Variants in PTPRR observed in about 807,000 individuals in gnomAD.
PTPRR encodes the protein protein tyrosine phosphatase receptor type R, also known as receptor-type tyrosine-protein phosphatase R.
A neutral mutation model predicts 77.2 loss-of-function variants in PTPRR; 38 were observed. The ratio of observed to expected loss-of-function variants is 0.49; its 90% confidence interval spans 0.38 to 0.65. PTPRR has a LOEUF of 0.65. Among genes scored for constraint, PTPRR ranks in the 30% least tolerant of loss-of-function variants. The pLI is 0.00. For synonymous variants in PTPRR, 299 were observed against 283.1 expected, an observed-to-expected ratio of 1.06 and a Z score of -0.57; for missense variants, 744 against 799.2, an observed-to-expected ratio of 0.93 and a Z score of 0.83.
At position 70,644,063 on chromosome 12, in the gene PTPRR, G is replaced by GA. The variant is rs565360504; in HGVS notation, c.1881-4787dup. Among the ~76,000 whole-genome samples the GA allele has an allele frequency of 8.5e-3, 1,230 of 144,714 alleles. 5 individuals carry two copies. Among genetic ancestry groups the GA allele is most frequent in the Non-Finnish European group, 0.014 (917 of 65,044 alleles). 94.9% of individuals were successfully genotyped at this position (144,714 alleles called of 152,430 possible). On this transcript the variant is annotated intron_variant, in intron 13 of 13. Coordinates refer to ENST00000283228, the MANE Select transcript of PTPRR (RefSeq NM_002849.4). The stretch of plus-strand genomic sequence containing the variant: ...GTAAGGACTTTCCAATACAGTACCT[G>GA]AAAAAAGGCAATTATGTAATTGCAA...
At chr12:70,911,153 T>C (rs185232524) in intron 1 of PTPRR, among the ~76,000 whole-genome samples, 1 of 152,302 alleles carries the variant, frequency 6.6e-6, no homozygotes, top group Admixed American at 6.5e-5. Flanking sequence ...CCTCCTTCTA[T>C]CCCTTTACAT....
At chr12:70,727,724 C>A (rs775718070) in intron 6 of PTPRR, among the ~76,000 whole-genome samples, 4 of 152,156 alleles carry the variant, frequency 2.6e-5, no homozygotes, top group Non-Finnish European at 5.9e-5. Flanking sequence ...GACCCAGAGT[C>A]TCATAGAAAA....
In PTPRR at chr12:70,698,522, C is replaced by T. The variant is rs114341371; in HGVS notation, c.1195-173G>A. ...CTTTCCTAAACATATCAGCTGCATC[C>T]GGACAAGCTGACTTCTAAGAAACAG... On this transcript the variant is annotated intron_variant, in intron 7 of 13. Coordinates refer to ENST00000283228, the MANE Select transcript of PTPRR (RefSeq NM_002849.4). 3.3e-3 allele frequency among the ~76,000 whole-genome samples: 502 copies of T among 152,150 alleles called. 3 individuals carry two copies. Among genetic ancestry groups the T allele is most frequent in the African/African-American group, 0.011 (449 of 41,504 alleles).
intron 6 of PTPRR, among the ~76,000 whole-genome samples, chr12:70,738,315 C>T (rs886488731): frequency 1.9e-4 from 29 of 152,158 alleles, no homozygotes; most frequent in Non-Finnish European, 3.1e-4. Flanking sequence ...TATCAGCAAC[C>T]CTTGGGGGCC....
intron 13 of PTPRR, among the ~76,000 whole-genome samples, chr12:70,646,255 C>A (rs989365317): frequency 6.6e-6 from 1 of 152,076 alleles, no homozygotes; most frequent in African/African-American, 2.4e-5. Context: ...GTGTGTCTGG[C>A]CCCTTGGACA....
chr12:70,721,798 C>T (rs776484950), intron 6 of PTPRR, among the ~76,000 whole-genome samples: 17 of 152,080 alleles, frequency 1.1e-4, no homozygotes, highest in Non-Finnish European at 1.9e-4. Context: ...GATTGAAATT[C>T]GCCCTGCTAA....
chr12:70,881,454 A>G (rs1328772770), intron 2 of PTPRR, among the ~76,000 whole-genome samples: 1 of 152,124 alleles, frequency 6.6e-6, no homozygotes, highest in Non-Finnish European at 1.5e-5. Flanking sequence ...TCTTCCCACA[A>G]TTGTAGAAAT....
intron 4 of PTPRR, 127 bp downstream of exon 4, chr12:70,761,344 C>G: frequency 1.1e-6 from 1 of 878,620 alleles, no homozygotes; most frequent in South Asian, 2.7e-5. Flanking sequence ...TTCTGACACT[C>G]AGGGAAATTT....
At chr12:70,690,331 T>C (rs748486042) in intron 8 of PTPRR, among the ~76,000 whole-genome samples, 2 of 152,240 alleles carry the variant, frequency 1.3e-5, no homozygotes, top group Non-Finnish European at 2.9e-5. Context: ...ACAAAATCAG[T>C]TCTGCCTAGG....
intron 2 of PTPRR, among the ~76,000 whole-genome samples, chr12:70,841,725 TC>T: frequency 2.2e-5 from 1 of 44,804 alleles, no homozygotes; most frequent in Non-Finnish European, 5.8e-5. Flanking sequence ...AGTAAAGACA[TC>T]ATTTTCCTAA....
chr12:70,920,278 T>G, intron 1 of PTPRR, 55 bp downstream of exon 1: 4 of 1,552,920 alleles, frequency 2.6e-6, no homozygotes, highest in Non-Finnish European at 3.6e-6. Context: ...TCCTTAAGCA[T>G]GTGCAGTTTC....
chr12:70,883,919 A>G (rs1893191444), intron 2 of PTPRR, among the ~76,000 whole-genome samples: 1 of 152,250 alleles, frequency 6.6e-6, no homozygotes, highest in East Asian at 1.9e-4. Flanking sequence ...TGCCACAGTA[A>G]TAGCTTATTC....
At chr12:70,727,417 T>TA (rs1035867064) in intron 6 of PTPRR, among the ~76,000 whole-genome samples, 2 of 151,982 alleles carry the variant, frequency 1.3e-5, no homozygotes, top group Admixed American at 6.6e-5. Flanking sequence ...TTATAAGAAT[T>TA]AAAAAAACCA....
chr12:70,879,661 T>C (rs935235871), intron 2 of PTPRR, among the ~76,000 whole-genome samples: 26 of 152,170 alleles, frequency 1.7e-4, no homozygotes, highest in African/African-American at 6.3e-4. Flanking sequence ...ATAGTTTCTT[T>C]TTTTCATGCT....
intron 2 of PTPRR, among the ~76,000 whole-genome samples, chr12:70,805,457 G>A (rs1296413562): frequency 6.6e-6 from 1 of 151,972 alleles, no homozygotes; most frequent in Non-Finnish European, 1.5e-5. Context: ...GGGCTTAAGC[G>A]ATCCTCCCAC....
intron 6 of PTPRR, among the ~76,000 whole-genome samples, chr12:70,718,479 C>T (rs1889119824): frequency 6.6e-6 from 1 of 152,070 alleles, no homozygotes; most frequent in South Asian, 2.1e-4. Flanking sequence ...GATGGCTGGG[C>T]TGGTCTCAAA....
chr12:70,794,306 G>A (rs1373844981), intron 2 of PTPRR, among the ~76,000 whole-genome samples: 2 of 152,212 alleles, frequency 1.3e-5, no homozygotes, highest in Admixed American at 6.5e-5. Context: ...GGGGATTCAG[G>A]AAAATCTGGC....
intron 7 of PTPRR, among the ~76,000 whole-genome samples, chr12:70,698,661 T>C (rs1352063724): frequency 6.6e-6 from 1 of 152,192 alleles, no homozygotes. Flanking sequence ...AGACAGATGC[T>C]AAAAAGTGAA....
chr12:70,835,814 A>G (rs1335803736), intron 2 of PTPRR, among the ~76,000 whole-genome samples: 1 of 152,110 alleles, frequency 6.6e-6, no homozygotes, highest in East Asian at 1.9e-4. Flanking sequence ...TAAGTGGATT[A>G]ATTGTTGGGG....
Sources: allele counts gnomAD v4.1 joint callset (sites outside exome capture counted in the v4.1 genomes callset), GRCh38; gene constraint gnomAD v4.1.1; transcripts MANE v1.5; gene names NCBI Gene and HGNC (gene_info 2026-07-23, HGNC 2026-07-21).